PIK3CB: variants seen among roughly 807,000 people sequenced by gnomAD.
The protein encoded by PIK3CB is phosphatidylinositol-4,5-bisphosphate 3-kinase catalytic subunit beta.
PIK3CB carries 39 observed loss-of-function variants against 136.8 expected under a neutral mutation model. The ratio of observed to expected loss-of-function variants is 0.29; its 90% CI spans 0.22 to 0.37. The LOEUF (loss-of-function observed/expected upper bound fraction) is 0.37, where lower values mean the gene tolerates loss of function less well. Ranked by LOEUF, PIK3CB falls within the 10% of genes least tolerant of loss-of-function variation. PIK3CB has a pLI of 1.00. For synonymous variants in PIK3CB, 428 were observed against 436.6 expected, an observed-to-expected ratio of 0.98 and a Z score of 0.25; for missense variants, 868 against 1,275.4, an observed-to-expected ratio of 0.68 and a Z score of 4.87.
intron 21 of PIK3CB, among the ~76,000 whole-genome samples, chr3:138,660,442 T>C (rs980547887): frequency 2.0e-5 from 3 of 152,246 alleles, no homozygotes; most frequent in African/African-American, 7.2e-5. Context: ...GCAGTTACCC[T>C]GTTTTCCCAG....
intron 7 of PIK3CB, 67 bp downstream of exon 7, chr3:138,734,567 A>G: frequency 2.5e-6 from 3 of 1,219,406 alleles, no homozygotes; most frequent in Non-Finnish European, 3.4e-6. Flanking sequence ...AATATGTGTG[A>G]AACTTATGTA....
rs189485625 is a variant in PIK3CB at position 138,763,114 on chromosome 3, G to T, written c.-16-3755C>A. 2.0e-5 allele frequency among the ~76,000 whole-genome samples: 3 copies of T among 151,704 alleles called. No individual in the cohort carries two copies. In the East Asian group the frequency reaches 5.8e-4, roughly 29 times the overall value. ...TGCCAACAAAAGCTGGAGGAAAAAT[G>T]AAAGTTAGTATGTATGTATGTATGT... On this transcript the variant is annotated intron_variant, in intron 2 of 23. Transcript: ENST00000674063.
chr3:138,657,025 C>T (rs2043203178), intron 22 of PIK3CB, among the ~76,000 whole-genome samples: 1 of 152,136 alleles, frequency 6.6e-6, no homozygotes, highest in African/African-American at 2.4e-5. Flanking sequence ...CCTTGGCCTC[C>T]CAAAGTGCTG....
intron 12 of PIK3CB, among the ~76,000 whole-genome samples, chr3:138,702,132 G>C (rs188454780): frequency 1.3e-5 from 2 of 150,202 alleles, no homozygotes; most frequent in East Asian, 3.9e-4. Flanking sequence ...AAAGATACAG[G>C]GTCTTACTCT....
chr3:138,826,930 G>A (rs1250681145), intron 1 of PIK3CB, among the ~76,000 whole-genome samples: 4 of 152,086 alleles, frequency 2.6e-5, no homozygotes, highest in South Asian at 4.1e-4. Context: ...TTAGCTGGGC[G>A]TGGTTGTGGG....
At chr3:138,673,667 TAA>T (rs961006282) in intron 19 of PIK3CB, among the ~76,000 whole-genome samples, 10 of 152,060 alleles carry the variant, frequency 6.6e-5, no homozygotes, top group Admixed American at 6.6e-5. Context: ...AGCAATCCAA[TAA>T]GTGTTTATTT....
chr3:138,781,039 C>T (rs1192610038), intron 2 of PIK3CB, among the ~76,000 whole-genome samples: 1 of 152,112 alleles, frequency 6.6e-6, no homozygotes, highest in Non-Finnish European at 1.5e-5. Flanking sequence ...CCTGTAATCC[C>T]AGCACTCTGG....
At chr3:138,670,642 G>T (rs991205323) in intron 19 of PIK3CB, among the ~76,000 whole-genome samples, 4 of 152,178 alleles carry the variant, frequency 2.6e-5, no homozygotes, top group Admixed American at 2.6e-4. Context: ...GTCCAACTGG[G>T]TTTATGGTCC....
intron 1 of PIK3CB, chr3:138,825,809 C>G (rs1933761499): frequency 1.0e-6 from 1 of 971,146 alleles, no homozygotes; most frequent in Admixed American, 2.0e-5. Flanking sequence ...ACAACTGAAG[C>G]AGTCTGTTGA....
At chr3:138,788,829 T>C (rs1448203356) in intron 2 of PIK3CB, among the ~76,000 whole-genome samples, 2 of 150,990 alleles carry the variant, frequency 1.3e-5, no homozygotes, top group Non-Finnish European at 2.9e-5. Flanking sequence ...CTGGGCATAG[T>C]GGTACGCACC....
In PIK3CB at chr3:138,714,485, T is replaced by C. The variant is rs958541551; in HGVS notation, c.1285A>G (p.Arg429Gly). The stretch of plus-strand genomic sequence containing the variant: ...ATCATTACCACTTTTCCAGCTTTCC[T>C]GATGGTCTGATATTTAGAGGGATTA... ...TINPSKYQTI[R>G]KAGKVHYPVA... The change falls in exon 9 of 24, where the codon AGG (arginine) becomes GGG (glycine). Residue 429 changes from arginine to glycine, a missense_variant. Arg to Gly is a moderately radical substitution (Grantham distance 125). Transcript: ENST00000674063. 2.5e-6 allele frequency: 4 copies of C among 1,608,276 alleles called. No individual in the cohort carries two copies. In the Admixed American group the frequency reaches 6.7e-5, roughly 27 times the overall value.
At position 138,825,913 on chromosome 3, in the gene PIK3CB, C is replaced by T. The variant is rs191380576; in HGVS notation, c.-122+8782G>A. ...CTGTCAAAGATGTTCATCACGGCAA[C>T]GTTGCTGGTGACAGCAAAAATGACC... On this transcript the variant is annotated intron_variant, in intron 1 of 23. Transcript: ENST00000674063. The T allele has an allele frequency of 1.1e-4, 168 of 1,562,946 alleles. No individual in the cohort carries two copies. In the African/African-American group the frequency reaches 1.8e-3, roughly 16 times the overall value.
chr3:138,824,516 C>T lies in PIK3CB; in HGVS notation c.-122+10179G>A, dbSNP rs185111367. On this transcript the variant is annotated intron_variant, in intron 1 of 23. Transcript: ENST00000674063. ...TTAAAAGAAAATAAGGAGATATGGC[C>T]GGGCGCGGTGGCTCATCCCTGTAAT... Among the ~76,000 whole-genome samples, 256 of 152,004 alleles carry T rather than the reference C, an allele frequency of 1.7e-3. 1 individual carries two copies. The highest frequency in any genetic ancestry group is 2.8e-3 in the Non-Finnish European group (190 of 67,984).
intron 10 of PIK3CB, among the ~76,000 whole-genome samples, chr3:138,710,912 G>C (rs949802294): frequency 6.6e-6 from 1 of 151,642 alleles, no homozygotes; most frequent in Non-Finnish European, 1.5e-5. Flanking sequence ...GTGAAACCCC[G>C]TCTCTATTAA....
intron 5 of PIK3CB, among the ~76,000 whole-genome samples, chr3:138,740,413 CTGT>C (rs1347240682): frequency 2.0e-5 from 3 of 152,136 alleles, no homozygotes; most frequent in African/African-American, 7.2e-5. Flanking sequence ...AAATAAATTT[CTGT>C]TGTTTATAAG....
chr3:138,759,433 TA>T (rs2045630786), intron 2 of PIK3CB, 74 bp from the exon 3 acceptor site: 3 of 920,016 alleles, frequency 3.3e-6, no homozygotes. Context: ...TAAAGACCAC[TA>T]ATCTACAATT....
At chr3:138,707,950 T>G (rs1340625643) in intron 10 of PIK3CB, among the ~76,000 whole-genome samples, 1 of 152,160 alleles carries the variant, frequency 6.6e-6, no homozygotes, top group Non-Finnish European at 1.5e-5. Context: ...ACTCTGGAGT[T>G]CGCATCATAT....
chr3:138,831,992 G>A (rs746987319), intron 1 of PIK3CB, among the ~76,000 whole-genome samples: 9 of 152,160 alleles, frequency 5.9e-5, no homozygotes, highest in African/African-American at 9.7e-5. Context: ...TTTTTACCCA[G>A]GTTGAGGCCT....
At chr3:138,668,971 C>T (rs1454882085) in intron 19 of PIK3CB, among the ~76,000 whole-genome samples, 1 of 152,154 alleles carries the variant, frequency 6.6e-6, no homozygotes, top group African/African-American at 2.4e-5. Flanking sequence ...ACACAATGAC[C>T]AAAGTCTGAG....
Sources: gnomAD v4.1 joint callset for allele counts (sites outside exome capture counted in the v4.1 genomes callset) on GRCh38, gnomAD v4.1.1 for gene constraint, MANE v1.5 for transcripts, NCBI Gene and HGNC (gene_info 2026-07-23, HGNC 2026-07-21) for gene names.